The following IFT25 variants were observed in gnomAD, a reference collection of about 807,000 sequenced individuals.
The protein encoded by IFT25 is intraflagellar transport 25.
the IFT25 span, among the ~76,000 whole-genome samples, chr1:53,925,678 GAAAAGAA>G: frequency 6.8e-6 from 1 of 146,882 alleles, no homozygotes; most frequent in East Asian, 2.0e-4. Flanking sequence ...AAAAAAAAAA[GAAAAGAA>G]AAAAGAAAAA....
At chr1:53,932,534 T>C in the IFT25 span, among the ~76,000 whole-genome samples, 3 of 152,294 alleles carry the variant, frequency 2.0e-5, no homozygotes, top group African/African-American at 7.2e-5. Context: ...TTGAGACTTA[T>C]TTTATGTTTC....
At chr1:53,928,371 C>A in the IFT25 span, 8 of 1,608,992 alleles carry the variant, frequency 5.0e-6, no homozygotes, top group Non-Finnish European at 6.8e-6. Flanking sequence ...GAAACACATA[C>A]CTTTTTCAAT....
the IFT25 span, among the ~76,000 whole-genome samples, chr1:53,943,146 A>G: frequency 6.6e-6 from 1 of 152,204 alleles, no homozygotes. Context: ...AAGACTTTGG[A>G]GAGACAAGGA....
At chr1:53,916,432 A>C in the IFT25 span, 1 of 152,548 alleles carries the variant, frequency 6.6e-6, no homozygotes, top group South Asian at 2.1e-4. Flanking sequence ...AAAGACTTAA[A>C]GATAACTCAC....
chr1:53,935,800 T>C, the IFT25 span, among the ~76,000 whole-genome samples: 1 of 152,152 alleles, frequency 6.6e-6, no homozygotes, highest in Admixed American at 6.5e-5. Flanking sequence ...CTCAAAATTC[T>C]GGGTTTTTAT....
the IFT25 span, among the ~76,000 whole-genome samples, chr1:53,940,611 C>A: frequency 1.3e-5 from 2 of 152,234 alleles, no homozygotes; most frequent in Non-Finnish European, 2.9e-5. Flanking sequence ...TATAAAGATA[C>A]AGACTAAAAG....
At chr1:53,937,092 A>C in the IFT25 span, among the ~76,000 whole-genome samples, 2 of 152,204 alleles carry the variant, frequency 1.3e-5, no homozygotes, top group African/African-American at 4.8e-5. Context: ...TACTCTATTT[A>C]GATAAAGCAA....
At chr1:53,944,223 A>G in the IFT25 span, among the ~76,000 whole-genome samples, 1 of 152,192 alleles carries the variant, frequency 6.6e-6, no homozygotes, top group Non-Finnish European at 1.5e-5. Flanking sequence ...AATCCATACA[A>G]TGCCAGGCCT....
the IFT25 span, among the ~76,000 whole-genome samples, chr1:53,941,194 C>T: frequency 6.6e-6 from 1 of 152,168 alleles, no homozygotes; most frequent in South Asian, 2.1e-4. Context: ...GGGGTTTCAC[C>T]ATGTTGGCCT....
chr1:53,928,129 A>G, the IFT25 span, among the ~76,000 whole-genome samples: 5 of 152,362 alleles, frequency 3.3e-5, no homozygotes, highest in South Asian at 6.2e-4. Flanking sequence ...GATAGATATC[A>G]TCACCATTTT....
chr1:53,921,036 G>C, the IFT25 span, among the ~76,000 whole-genome samples: 1 of 152,172 alleles, frequency 6.6e-6, no homozygotes, highest in Non-Finnish European at 1.5e-5. Flanking sequence ...AGCCAGGCAT[G>C]GCGTTATGCA....
chr1:53,924,250 C>A, the IFT25 span, among the ~76,000 whole-genome samples: 1 of 151,820 alleles, frequency 6.6e-6, no homozygotes, highest in East Asian at 1.9e-4. Flanking sequence ...CTTTTTAAAA[C>A]ATTTATTTAA....
the IFT25 span, among the ~76,000 whole-genome samples, chr1:53,931,638 T>A: frequency 5.9e-5 from 9 of 152,226 alleles, no homozygotes; most frequent in Non-Finnish European, 1.2e-4. Context: ...TCATCTAAGT[T>A]GTCAAATGTA....
the IFT25 span, among the ~76,000 whole-genome samples, chr1:53,938,771 G>C: frequency 2.0e-5 from 3 of 152,084 alleles, no homozygotes; most frequent in Non-Finnish European, 4.4e-5. Context: ...TAGTAAGCCA[G>C]AACTATTAAA....
the IFT25 span, among the ~76,000 whole-genome samples, chr1:53,934,253 C>T: frequency 2.6e-5 from 4 of 152,098 alleles, no homozygotes; most frequent in African/African-American, 4.8e-5. Context: ...GATAGTTTAG[C>T]TAGACACAGA....
At chr1:53,934,090 T>G in the IFT25 span, among the ~76,000 whole-genome samples, 1 of 152,212 alleles carries the variant, frequency 6.6e-6, no homozygotes, top group Non-Finnish European at 1.5e-5. Context: ...TACCCAAATA[T>G]TTATCATTTC....
chr1:53,939,434 C>A, the IFT25 span, among the ~76,000 whole-genome samples: 6 of 150,998 alleles, frequency 4.0e-5, no homozygotes, highest in South Asian at 4.2e-4. Context: ...CCATTAACTG[C>A]TTTTTCTTGG....
chr1:53,919,272 T>C, the IFT25 span, among the ~76,000 whole-genome samples: 1 of 152,142 alleles, frequency 6.6e-6, no homozygotes, highest in Non-Finnish European at 1.5e-5. Flanking sequence ...CAAAGACCAT[T>C]TGCACTGTAT....
At chr1:53,914,107 A>AT in the IFT25 span, among the ~76,000 whole-genome samples, 2 of 152,152 alleles carry the variant, frequency 1.3e-5, no homozygotes, top group Admixed American at 1.3e-4. Context: ...CCATTCTGTT[A>AT]TTAACCTCGA....
Sources: gnomAD v4.1 joint callset for allele counts (sites outside exome capture counted in the v4.1 genomes callset) on GRCh38, gnomAD v4.1.1 for gene constraint, MANE v1.5 for transcripts, NCBI Gene and HGNC (gene_info 2026-07-23, HGNC 2026-07-21) for gene names.